The following ANKRD35 variants were observed in gnomAD, a reference collection of about 807,000 sequenced individuals.
The protein encoded by ANKRD35 is ankyrin repeat domain-containing protein 35.
A neutral mutation model predicts 109.9 loss-of-function variants in ANKRD35; 102 were observed. That is an observed-to-expected ratio of 0.93 (90% confidence interval 0.79 to 1.09). The LOEUF (loss-of-function observed/expected upper bound fraction) is 1.09. Among genes scored for constraint, ANKRD35 ranks in the 50% least tolerant of loss-of-function variants. ANKRD35 has a pLI of 0.00. For missense variants in ANKRD35, 1,240 were observed against 1,230.1 expected (o/e 1.01, Z -0.12); for synonymous variants, 515 against 512.4 (o/e 1.01, Z -0.07).
In ANKRD35 at chr1:145,879,377, C is replaced by G; in HGVS notation, c.51G>C (p.Trp17Cys). 6.3e-7 allele frequency: 1 copy of G among 1,583,024 alleles called. No individual in the cohort carries two copies. Among genetic ancestry groups the G allele is most frequent in the Non-Finnish European group, 8.6e-7 (1 of 1,163,656 alleles). Residue 17 changes from tryptophan to cysteine, a missense_variant, in exon 2 of 14, where the codon TGG becomes TGC. Trp to Cys is a radical substitution (Grantham distance 215). Coordinates refer to ENST00000355594, the MANE Select transcript of ANKRD35 (RefSeq NM_144698.5). ...CCAGCAGCTTCTGATCATGGCGGTT[C>G]CATCTCTCCACCTGGTCCAGAGCCA... ...CSSTQVAVER[W>C]NRHDQKLLEA...
chr1:145,881,949 C>CTTTTTTTTTTTTT (rs782253954), intron 1 of ANKRD35, among the ~76,000 whole-genome samples: 1 of 104,634 alleles, frequency 9.6e-6, no homozygotes. Flanking sequence ...CTTTCCCCTT[C>CTTTTTTTTTTTTT]TTTTTTTTTT....
At position 145,883,170 on chromosome 1, in the gene ANKRD35, C is replaced by T. The variant is rs150821442; in HGVS notation, c.39+2550G>A. Reference sequence around the variant, plus strand: ...CACCATCTCGGCTCACTGCAACCTCCGCCTCCCGGGTTCAAGCGATTCTCC... The same window carrying T: ...CACCATCTCGGCTCACTGCAACCTCTGCCTCCCGGGTTCAAGCGATTCTCC... On this transcript the variant is annotated intron_variant, in intron 1 of 13. Transcript: ENST00000355594. Among the ~76,000 whole-genome samples, 11 of 151,058 alleles carry T rather than the reference C, an allele frequency of 7.3e-5. No homozygotes were observed. In the East Asian group the frequency reaches 2.1e-3, roughly 30 times the overall value.
chr1:145,871,234 G>C (rs1484088181), intron 10 of ANKRD35, among the ~76,000 whole-genome samples: 1 of 126,046 alleles, frequency 7.9e-6, no homozygotes, highest in Non-Finnish European at 1.6e-5. Flanking sequence ...TGCAATCTTG[G>C]CTCACTGCTA....
At position 145,876,798 on chromosome 1, in the gene ANKRD35, T is replaced by C. The variant is rs1553740207; in HGVS notation, c.382+18A>G. ...TGTAGTCTCTGCAGCCCTGTTCCCA[T>C]GAGTCCCCTGCACACACCTGCCCAG... On this transcript the variant is annotated intron_variant, in intron 5 of 13. Coordinates refer to ENST00000355594, the MANE Select transcript of ANKRD35 (RefSeq NM_144698.5). 1 of 1,613,958 alleles carries C rather than the reference T, an allele frequency of 6.2e-7. No individual in the cohort carries two copies. The highest frequency in any genetic ancestry group is 8.5e-7 in the Non-Finnish European group (1 of 1,180,026).
chr1:145,883,864 G>A (rs1300435293), intron 1 of ANKRD35, among the ~76,000 whole-genome samples: 7 of 152,232 alleles, frequency 4.6e-5, no homozygotes, highest in African/African-American at 1.7e-4. Context: ...CAATCTGTCT[G>A]AAGAAACAGT....
intron 4 of ANKRD35, 24 bp from the exon 5 acceptor site, chr1:145,876,897 C>T (rs1553740237): frequency 9.9e-6 from 16 of 1,613,724 alleles, no homozygotes; most frequent in Non-Finnish European, 1.4e-5. Flanking sequence ...CAAAGGGAAG[C>T]AGCATGGAGC....
At chr1:145,875,906 G>A (rs10910823) in intron 7 of ANKRD35, among the ~76,000 whole-genome samples, 47,297 of 151,990 alleles carry the variant, frequency 0.31, 8,672 homozygotes, top group Non-Finnish European at 0.41. Flanking sequence ...TTCAGCCAAC[G>A]GGTCCAGAAG....
rs1553739475 is a variant in ANKRD35 at position 145,873,758 on chromosome 1, A to G, written c.1011T>C (p.Ile337=). The G allele has an allele frequency of 6.2e-7, 1 of 1,612,736 alleles. No individual in the cohort carries two copies. The highest frequency in any genetic ancestry group is 1.7e-5 in the Admixed American group (1 of 59,688). The change falls in exon 10 of 14, where the codon ATT becomes ATC. Residue 337 remains isoleucine, a synonymous_variant. Transcript: ENST00000355594. Reference sequence around the variant, plus strand: ...CCCCTAGCTCCTGCGCCTGCTCTCGAATCTGGTTCTCAAGGTCCAGATAGG... The same window carrying G: ...CCCCTAGCTCCTGCGCCTGCTCTCGGATCTGGTTCTCAAGGTCCAGATAGG... ...AAAYLDLENQ[I]REQAQELGVL...
At chr1:145,878,070 C>T (rs782659949) in intron 3 of ANKRD35, 38 bp from the exon 4 acceptor site, 1 of 1,572,790 alleles carries the variant, frequency 6.4e-7, no homozygotes, top group East Asian at 2.2e-5. Flanking sequence ...GGTAGGTGGC[C>T]CCATGCATGC....
In ANKRD35 at chr1:145,867,366, AT is replaced by A. The variant is rs782492640; in HGVS notation, c.2969del (p.Asn990IlefsTer34). 1.1e-5 allele frequency: 18 copies of A among 1,613,952 alleles called. No individual in the cohort carries two copies. The East Asian group carries it at 3.6e-4, about 32-fold the overall frequency. Reference protein sequence around the residue: ...ARGYMEHEVYNILLQILSMEE... With the variant: ...ARGYMEHEVYXILLQILSMEE... ...CCATGCTAAGGATTTGCAGCAGGAT[AT>A]TGTACACTTCATGTTCCATGTAACC... On this transcript the variant is annotated frameshift_variant, in exon 13 of 14. Coordinates refer to ENST00000355594, the MANE Select transcript of ANKRD35 (RefSeq NM_144698.5). LOFTEE classifies it high-confidence loss of function.
At chr1:145,883,281 C>G (rs1158183067) in intron 1 of ANKRD35, among the ~76,000 whole-genome samples, 1 of 151,994 alleles carries the variant, frequency 6.6e-6, no homozygotes, top group African/African-American at 2.4e-5. Context: ...GATAGGGTAT[C>G]GCCATGTTGG....
In ANKRD35 at chr1:145,873,674, T is replaced by A. The variant is rs781912533; in HGVS notation, c.1095A>T (p.Gly365=). 44 of 1,614,014 alleles carry A rather than the reference T, an allele frequency of 2.7e-5. No homozygotes were observed. The highest frequency in any genetic ancestry group is 3.5e-5 in the Non-Finnish European group (41 of 1,180,026). Residue 365 remains glycine (G), a synonymous_variant, in exon 10 of 14, where the codon GGA becomes GGT. Coordinates refer to ENST00000355594, the MANE Select transcript of ANKRD35 (RefSeq NM_144698.5). ...SGKQGSSLRP[G]GDGMEQGCPK... ...GACAACCCTGCTCCATGCCATCCCCTCCAGGCCGGAGACTAGAGCCTTGCT... is the reference window on the plus strand; with the variant it reads ...GACAACCCTGCTCCATGCCATCCCCACCAGGCCGGAGACTAGAGCCTTGCT...
chr1:145,873,351 A>C lies in ANKRD35; in HGVS notation c.1418T>G (p.Val473Gly), dbSNP rs139983363. The change falls in exon 10 of 14, where the codon GTT (valine) becomes GGT (glycine). Residue 473 changes from valine to glycine, a missense_variant. Physicochemically the swap from Val to Gly is moderately radical, Grantham distance 109 (BLOSUM62 -3). Coordinates refer to ENST00000355594, the MANE Select transcript of ANKRD35 (RefSeq NM_144698.5). ...TTCAGCCACTGTGCCTCCTGGTTCA[A>C]CTCCTAGAACCTGGGAACTCTCCTT... is the stretch of plus-strand genomic sequence containing the variant. ...GQKESSQVLGVEPGGTVAEPV... is the reference protein window; with the variant it reads ...GQKESSQVLGGEPGGTVAEPV... 1,330 of 1,613,714 alleles carry C rather than the reference A, an allele frequency of 8.2e-4. 7 individuals carry two copies. The highest frequency in any genetic ancestry group is 6.1e-3 in the Middle Eastern group (37 of 6,062).
Position 145,872,264 on chromosome 1 carries a change from G to A in ANKRD35, c.2505C>T (p.His835=), listed in dbSNP as rs782463419. ...RAREAASLRQ[H]EKTRGSLVAQ... ...CCACCAGCGAACCCCGAGTTTTCTC[G>A]TGTTGCCGTAGGCTGGCTGCCTCCC... Residue 835 remains histidine, a synonymous_variant, in exon 10 of 14, where the codon CAC becomes CAT. Transcript: ENST00000355594. 6.2e-7 allele frequency: 1 copy of A among 1,611,822 alleles called. No individual in the cohort carries two copies. The highest frequency in any genetic ancestry group is 8.5e-7 in the Non-Finnish European group (1 of 1,179,076).
intron 5 of ANKRD35, 56 bp from the exon 6 acceptor site, chr1:145,876,695 T>C (rs1654089505): frequency 2.5e-6 from 4 of 1,611,816 alleles, no homozygotes; most frequent in South Asian, 1.1e-5. Context: ...ACTCAGACTA[T>C]GACCCAACAT....
intron 2 of ANKRD35, among the ~76,000 whole-genome samples, chr1:145,878,732 G>A (rs1257480223): frequency 1.3e-5 from 2 of 152,190 alleles, no homozygotes; most frequent in Admixed American, 6.5e-5. Flanking sequence ...GGGTGTCTAG[G>A]GAACACATAA....
intron 11 of ANKRD35, 122 bp from the exon 12 acceptor site, chr1:145,868,178 G>A (rs782555713): frequency 2.1e-6 from 3 of 1,453,110 alleles, no homozygotes; most frequent in Non-Finnish European, 2.9e-6. Flanking sequence ...GGCCCATCCT[G>A]GACCACTGCC....
In ANKRD35 at chr1:145,879,328, C is replaced by T; in HGVS notation, c.100G>A (p.Gly34Arg). Reference protein sequence around the residue: ...LLEAVHRGDVGRVAALASRKS... With the variant: ...LLEAVHRGDVRRVAALASRKS... ...CTGGAGGCCAGGGCAGCCACGCGTC[C>T]CACATCCCCCCTGTGCACTGCCTCC... is the stretch of plus-strand genomic sequence containing the variant. Residue 34 changes from glycine (G) to arginine (R), a missense_variant, in exon 2 of 14, where the codon GGA (glycine) becomes AGA (arginine). Gly to Arg is a moderately radical substitution (Grantham distance 125, BLOSUM62 -2). Coordinates refer to ENST00000355594, the MANE Select transcript of ANKRD35 (RefSeq NM_144698.5). The T allele has an allele frequency of 6.2e-7, 1 of 1,610,322 alleles. No individual in the cohort carries two copies.
At position 145,867,391 on chromosome 1, in the gene ANKRD35, C is replaced by T. The variant is rs1257691043; in HGVS notation, c.2945G>A (p.Gly982Asp). The part of the protein sequence containing the change: ...YRNHLLNAAR[G>D]YMEHEVYNIL... ...ATTGTACACTTCATGTTCCATGTAA[C>T]CCTGTAGATGTCAGGAAAGGAAGAA... The change falls in exon 13 of 14, where the codon GGT (glycine) becomes GAT (aspartate). Residue 982 changes from glycine (G) to aspartate (D), a missense_variant and splice_region_variant. Coordinates refer to ENST00000355594, the MANE Select transcript of ANKRD35 (RefSeq NM_144698.5). 6.2e-7 allele frequency: 1 copy of T among 1,613,650 alleles called. No individual in the cohort carries two copies. The highest frequency in any genetic ancestry group is 1.7e-5 in the Admixed American group (1 of 60,000).
Sources: allele counts gnomAD v4.1 joint callset (sites outside exome capture counted in the v4.1 genomes callset), GRCh38; gene constraint gnomAD v4.1.1; transcripts MANE v1.5; gene names NCBI Gene and HGNC (gene_info 2026-07-23, HGNC 2026-07-21).